INPP5B: variants seen among roughly 807,000 people sequenced by gnomAD.
INPP5B encodes inositol polyphosphate-5-phosphatase B, also known as type II inositol 1,4,5-trisphosphate 5-phosphatase.
INPP5B carries 90 observed loss-of-function variants against 118.5 expected under a neutral mutation model. The ratio of observed to expected loss-of-function variants is 0.76; its 90% CI spans 0.64 to 0.90. The LOEUF (loss-of-function observed/expected upper bound fraction) is 0.90. Ranked by LOEUF, INPP5B falls within the 40% of genes least tolerant of loss-of-function variation. INPP5B has a pLI of 0.00. For synonymous variants in INPP5B, 385 were observed against 418.9 expected (o/e 0.92, Z 0.99); for missense variants, 984 against 1,125.6 (o/e 0.87, Z 1.80).
At chr1:37,903,323 C>T (rs545557681) in intron 7 of INPP5B, among the ~76,000 whole-genome samples, 4 of 152,298 alleles carry the variant, frequency 2.6e-5, no homozygotes, top group Non-Finnish European at 4.4e-5. Context: ...CTCTCACCAG[C>T]GCCATGACAG....
intron 14 of INPP5B, among the ~76,000 whole-genome samples, chr1:37,881,616 G>A (rs1643203197): frequency 1.3e-5 from 2 of 152,190 alleles, no homozygotes; most frequent in Admixed American, 6.5e-5. Context: ...TTAAAACCAT[G>A]TGGTAGGCAG....
intron 7 of INPP5B, among the ~76,000 whole-genome samples, chr1:37,919,080 A>G (rs770131117): frequency 3.7e-4 from 56 of 152,220 alleles, no homozygotes; most frequent in Non-Finnish European, 7.1e-4. Context: ...AAAGTCCCAC[A>G]GCCTCCCATT....
At chr1:37,898,492 G>A (rs1381666324) in intron 7 of INPP5B, among the ~76,000 whole-genome samples, 1 of 152,016 alleles carries the variant, frequency 6.6e-6, no homozygotes, top group Non-Finnish European at 1.5e-5. Context: ...TCAGGAAATC[G>A]AGACTATCCT....
chr1:37,915,809 C>T (rs1644842606), intron 7 of INPP5B, among the ~76,000 whole-genome samples: 1 of 152,148 alleles, frequency 6.6e-6, no homozygotes. Context: ...TATATACATA[C>T]ACAGGCTTTG....
intron 13 of INPP5B, chr1:37,883,994 T>A (rs1643366574): frequency 6.1e-6 from 2 of 325,428 alleles, no homozygotes; most frequent in African/African-American, 4.5e-5. Context: ...GAGCACAAGA[T>A]GCTCTCAGAA....
intron 6 of INPP5B, among the ~76,000 whole-genome samples, chr1:37,937,140 G>A (rs1447962674): frequency 2.0e-5 from 3 of 151,040 alleles, no homozygotes; most frequent in Non-Finnish European, 2.9e-5. Flanking sequence ...GTGAAACCCC[G>A]TCTTTATTAA....
intron 23 of INPP5B, 139 bp from the exon 24 acceptor site, chr1:37,862,569 T>C: frequency 1.5e-6 from 1 of 650,518 alleles, no homozygotes; most frequent in Non-Finnish European, 2.7e-6. Context: ...AGCGTGTACT[T>C]AAACTTTCAC....
chr1:37,924,763 A>G (rs914590364), intron 7 of INPP5B, among the ~76,000 whole-genome samples: 8 of 151,990 alleles, frequency 5.3e-5, no homozygotes, highest in Non-Finnish European at 1.5e-5. Flanking sequence ...GAGGCTGCGC[A>G]TGGTGGCTCA....
intron 7 of INPP5B, among the ~76,000 whole-genome samples, chr1:37,917,162 G>A (rs1243013703): frequency 6.7e-6 from 1 of 149,208 alleles, no homozygotes; most frequent in East Asian, 2.1e-4. Context: ...GGTGGTGGGC[G>A]CCGATAATCC....
At chr1:37,868,393 G>T in intron 20 of INPP5B, 108 bp downstream of exon 20, 1 of 700,410 alleles carries the variant, frequency 1.4e-6, no homozygotes, top group Non-Finnish European at 2.6e-6. Context: ...TCCCCTCCCT[G>T]GGTGAAGAAC....
At chr1:37,894,149 T>A (rs1643930152) in intron 7 of INPP5B, among the ~76,000 whole-genome samples, 1 of 152,192 alleles carries the variant, frequency 6.6e-6, no homozygotes, top group Admixed American at 6.5e-5. Flanking sequence ...TTTCAAACAT[T>A]TAAAAATGCA....
At chr1:37,889,753 T>A in intron 8 of INPP5B, 29 bp from the exon 9 acceptor site, 1 of 1,552,692 alleles carries the variant, frequency 6.4e-7, no homozygotes, top group South Asian at 1.2e-5. Context: ...TTTTTTCATA[T>A]GTGGATGAGT....
At chr1:37,864,819 AG>A (rs1338917946) in intron 22 of INPP5B, 1 of 158,012 alleles carries the variant, frequency 6.3e-6, no homozygotes, top group Non-Finnish European at 1.4e-5. Flanking sequence ...CATAATTAGA[AG>A]GGTTGATCAG....
chr1:37,876,995 C>T lies in INPP5B; in HGVS notation c.1677+1193G>A, dbSNP rs149131400. On this transcript the variant is annotated intron_variant, in intron 16 of 23. Transcript: ENST00000373024. Reference sequence around the variant, plus strand: ...GCTTAAGCCCAGCAGATTGAGGCCGCAGTTCGCTGTGACTGTGCCACTGCA... The same window carrying T: ...GCTTAAGCCCAGCAGATTGAGGCCGTAGTTCGCTGTGACTGTGCCACTGCA... Among the ~76,000 whole-genome samples, 149 of 151,944 alleles carry T rather than the reference C, an allele frequency of 9.8e-4. 3 individuals are homozygous for T. The East Asian group carries it at 0.027, about 28-fold the overall frequency.
At chr1:37,881,084 T>C (rs1643171444) in intron 14 of INPP5B, among the ~76,000 whole-genome samples, 1 of 152,234 alleles carries the variant, frequency 6.6e-6, no homozygotes, top group Non-Finnish European at 1.5e-5. Flanking sequence ...TACTGAGATA[T>C]CTTTAAGAGG....
At chr1:37,938,783 G>A (rs1400737535) in intron 6 of INPP5B, among the ~76,000 whole-genome samples, 2 of 152,128 alleles carry the variant, frequency 1.3e-5, no homozygotes, top group African/African-American at 2.4e-5. Context: ...TTGGCTGGGC[G>A]CAGTGGCTTA....
At chr1:37,904,380 G>A (rs1297334712) in intron 7 of INPP5B, among the ~76,000 whole-genome samples, 1 of 151,250 alleles carries the variant, frequency 6.6e-6, no homozygotes, top group Admixed American at 6.6e-5. Flanking sequence ...TTTTTTTTTC[G>A]CCTAAAGGGT....
At chr1:37,873,826 A>G (rs1158808322) in intron 18 of INPP5B, among the ~76,000 whole-genome samples, 167 bp downstream of exon 18, 1 of 152,204 alleles carries the variant, frequency 6.6e-6, no homozygotes, top group African/African-American at 2.4e-5. Context: ...CATGCTCCTC[A>G]CTATTTTCTA....
intron 5 of INPP5B, among the ~76,000 whole-genome samples, chr1:37,941,755 G>A (rs1162491628): frequency 1.2e-4 from 18 of 145,880 alleles, no homozygotes; most frequent in African/African-American, 3.3e-4. Context: ...TGGCTAACAC[G>A]GTGAAACCCC....
Sources: gnomAD v4.1 joint callset for allele counts (sites outside exome capture counted in the v4.1 genomes callset) on GRCh38, gnomAD v4.1.1 for gene constraint, MANE v1.5 for transcripts, NCBI Gene and HGNC (gene_info 2026-07-23, HGNC 2026-07-21) for gene names.